Variants in THADA observed in about 807,000 individuals in gnomAD.
The protein encoded by THADA is tRNA (32-2'-O)-methyltransferase regulator THADA.
THADA carries 213 observed loss-of-function variants against 219.8 expected under a neutral mutation model. The ratio of observed to expected loss-of-function variants is 0.97; its 90% confidence interval spans 0.87 to 1.09. The LOEUF (loss-of-function observed/expected upper bound fraction) is 1.09, where lower values mean the gene tolerates loss of function less well. Among genes scored for constraint, THADA ranks in the 50% least tolerant of loss-of-function variants. THADA has a pLI of 0.00. For missense variants in THADA, 2,956 were observed against 2,311.3 expected, an observed-to-expected ratio of 1.28 and a Z score of -5.72; for synonymous variants, 1,018 against 828.9, an observed-to-expected ratio of 1.23 and a Z score of -3.92.
intron 21 of THADA, among the ~76,000 whole-genome samples, chr2:43,540,243 T>C (rs1695123033): frequency 6.6e-6 from 1 of 152,210 alleles, no homozygotes; most frequent in Non-Finnish European, 1.5e-5. Flanking sequence ...AGGAACATAA[T>C]GATGCCTGAA....
At chr2:43,460,427 G>C (rs1683497768) in intron 26 of THADA, among the ~76,000 whole-genome samples, 1 of 152,010 alleles carries the variant, frequency 6.6e-6, no homozygotes, top group Non-Finnish European at 1.5e-5. Flanking sequence ...TTTCTGGACA[G>C]AACTGGGCCT....
intron 36 of THADA, among the ~76,000 whole-genome samples, chr2:43,267,509 G>A (rs557384348): frequency 4.6e-5 from 7 of 152,288 alleles, no homozygotes; most frequent in African/African-American, 1.4e-4. Flanking sequence ...TTAGCTAAGC[G>A]TGTGTCCATT....
chr2:43,558,793 C>T (rs1052091988), intron 16 of THADA, among the ~76,000 whole-genome samples: 11 of 152,066 alleles, frequency 7.2e-5, no homozygotes, highest in Admixed American at 2.6e-4. Flanking sequence ...TCTAGAAAAC[C>T]CTAATACAAA....
intron 30 of THADA, among the ~76,000 whole-genome samples, chr2:43,339,788 C>T (rs1333903270): frequency 6.6e-6 from 1 of 152,082 alleles, no homozygotes; most frequent in Admixed American, 6.5e-5. Context: ...GACAGCTGAG[C>T]TGGAATCTGC....
At chr2:43,544,234 A>G (rs1274612750) in intron 20 of THADA, among the ~76,000 whole-genome samples, 2 of 152,150 alleles carry the variant, frequency 1.3e-5, no homozygotes, top group Non-Finnish European at 2.9e-5. Context: ...ATTGATCTAT[A>G]TCTCTGTTTT....
At chr2:43,392,379 T>A (rs546366248) in intron 29 of THADA, among the ~76,000 whole-genome samples, 1 of 152,164 alleles carries the variant, frequency 6.6e-6, no homozygotes, top group Non-Finnish European at 1.5e-5. Flanking sequence ...GAAACTCCAG[T>A]AGAGTTGACA....
chr2:43,281,405 G>T (rs1673337136), intron 35 of THADA, among the ~76,000 whole-genome samples: 1 of 148,654 alleles, frequency 6.7e-6, no homozygotes, highest in African/African-American at 2.5e-5. Flanking sequence ...TTCCTTAAAT[G>T]ACTTTGCTGT....
At chr2:43,440,538 C>T (rs769153094) in intron 26 of THADA, among the ~76,000 whole-genome samples, 1 of 152,188 alleles carries the variant, frequency 6.6e-6, no homozygotes, top group Non-Finnish European at 1.5e-5. Context: ...TCAATTTCCA[C>T]TGTTAATGTC....
At chr2:43,328,231 C>A (rs1679555066) in intron 30 of THADA, among the ~76,000 whole-genome samples, 1 of 152,096 alleles carries the variant, frequency 6.6e-6, no homozygotes, top group Non-Finnish European at 1.5e-5. Flanking sequence ...TATATTTAAA[C>A]AAGTCATTTC....
chr2:43,324,640 T>C (rs1679113515), intron 30 of THADA, among the ~76,000 whole-genome samples: 1 of 152,214 alleles, frequency 6.6e-6, no homozygotes, highest in Admixed American at 6.5e-5. Context: ...TTTCATTCTT[T>C]TTCTCTTGCT....
intron 36 of THADA, among the ~76,000 whole-genome samples, chr2:43,251,507 A>G (rs981131706): frequency 2.0e-5 from 3 of 152,184 alleles, no homozygotes; most frequent in Non-Finnish European, 2.9e-5. Context: ...GAAGCCCCCA[A>G]TCCCAGCTCA....
At chr2:43,501,306 CCAAAAAAAAAA>C (rs1318466457) in intron 24 of THADA, among the ~76,000 whole-genome samples, 2 of 12,280 alleles carry the variant, frequency 1.6e-4, no homozygotes, top group Admixed American at 1.3e-3. Context: ...AACTCCAACT[CCAAAAAAAAAA>C]AAAAAAAAAA....
At chr2:43,533,322 A>G (rs540772275) in intron 21 of THADA, among the ~76,000 whole-genome samples, 240 of 152,360 alleles carry the variant, frequency 1.6e-3, no homozygotes, top group African/African-American at 5.6e-3. Context: ...GTTGTGGAAG[A>G]CAGTGTGGCG....
At chr2:43,348,345 C>T (rs961443356) in intron 29 of THADA, among the ~76,000 whole-genome samples, 29 of 152,158 alleles carry the variant, frequency 1.9e-4, no homozygotes, top group African/African-American at 5.8e-4. Context: ...GTCACTAAGA[C>T]GGAGGGTCAA....
chr2:43,505,685 T>A lies in THADA; in HGVS notation c.3558A>T (p.Ile1186=). 1 of 1,594,834 alleles carries A rather than the reference T, an allele frequency of 6.3e-7. No homozygotes were observed. Among genetic ancestry groups the A allele is most frequent in the Non-Finnish European group, 8.6e-7 (1 of 1,169,290 alleles). Residue 1186 remains isoleucine, a synonymous_variant, in exon 24 of 38, where the codon ATA becomes ATT. Coordinates refer to ENST00000405975, the MANE Select transcript of THADA (RefSeq NM_022065.5). ...PKKGRMDLLK[I]TMKELISLAG... ...CCAAAGAGATTAACTCTTTCATTGT[T>A]ATTTTCAACAAATCCATTCTGCCTT...
chr2:43,564,224 C>T (rs1472100), intron 15 of THADA: 90,040 of 152,134 alleles, frequency 0.59, 27,920 homozygotes, highest in African/African-American at 0.76. Context: ...GGGAGACTCC[C>T]GCATTCACTG....
At chr2:43,381,073 G>A (rs902944284) in intron 29 of THADA, among the ~76,000 whole-genome samples, 2 of 144,758 alleles carry the variant, frequency 1.4e-5, no homozygotes, top group African/African-American at 2.6e-5. Context: ...ACTCCAGCCC[G>A]GGCGAGACAG....
chr2:43,426,498 G>A (rs1171943708), intron 28 of THADA, among the ~76,000 whole-genome samples: 2 of 152,160 alleles, frequency 1.3e-5, no homozygotes, highest in Non-Finnish European at 2.9e-5. Flanking sequence ...TAAGGCCCCT[G>A]AAAGTAAAAT....
intron 8 of THADA, 128 bp downstream of exon 8, chr2:43,581,613 G>T: frequency 1.3e-6 from 1 of 755,064 alleles, no homozygotes. Flanking sequence ...ATTTTTGAGA[G>T]GCTGAGTAAG....
Sources: gnomAD v4.1 joint callset for allele counts (sites outside exome capture counted in the v4.1 genomes callset) on GRCh38, gnomAD v4.1.1 for gene constraint, MANE v1.5 for transcripts, NCBI Gene and HGNC (gene_info 2026-07-23, HGNC 2026-07-21) for gene names.